The following CLSPN variants were observed in gnomAD, a reference collection of about 807,000 sequenced individuals.
The protein encoded by CLSPN is claspin homolog.
CLSPN carries 85 observed loss-of-function variants against 156.3 expected under a neutral mutation model. The ratio of observed to expected loss-of-function variants is 0.54; its 90% confidence interval spans 0.46 to 0.65. The LOEUF is 0.65. Among genes scored for constraint, CLSPN ranks in the 30% least tolerant of loss-of-function variants. The pLI is 0.00. For synonymous variants in CLSPN, 534 were observed against 542.4 expected (o/e 0.98, Z 0.22); for missense variants, 1,407 against 1,554.9 (o/e 0.90, Z 1.60).
At chr1:35,748,313 A>G in intron 13 of CLSPN, 92 bp downstream of exon 13, 7 of 1,225,766 alleles carry the variant, frequency 5.7e-6, no homozygotes, top group Non-Finnish European at 8.4e-6. Context: ...CTCAGTACCA[A>G]CGTGGTGGGA....
Position 35,761,368 on chromosome 1 carries a change from G to A in CLSPN, c.896-164C>T, listed in dbSNP as rs182234273. Among the ~76,000 whole-genome samples, 3 of 152,294 alleles carry A rather than the reference G, an allele frequency of 2.0e-5. No individual in the cohort carries two copies. The East Asian group carries it at 5.8e-4, about 29-fold the overall frequency. ...GTACAAAAAAGCTCCCTGAAGACCAGTGGCTTTTAAACCTAGATGTGAAAT... is the reference window on the plus strand; with the variant it reads ...GTACAAAAAAGCTCCCTGAAGACCAATGGCTTTTAAACCTAGATGTGAAAT... On this transcript the variant is annotated intron_variant, in intron 6 of 24. Transcript: ENST00000318121.
chr1:35,731,124 C>G (rs750714925), downstream of CLSPN, among the ~76,000 whole-genome samples: 1 of 147,388 alleles, frequency 6.8e-6, no homozygotes, highest in Non-Finnish European at 1.5e-5. Flanking sequence ...CGCCTGAACC[C>G]GGGAGGCAGA....
In CLSPN at chr1:35,753,668, T is replaced by C. The variant is rs1015866934; in HGVS notation, c.1771+77A>G. ...AAAAAGATTCTATAACTTTTCATTA[T>C]AAGGTTTTCAATAGCCTTGAAGATC... On this transcript the variant is annotated intron_variant, in intron 9 of 24. Coordinates refer to ENST00000318121, the MANE Select transcript of CLSPN (RefSeq NM_022111.4). 7 of 1,356,044 alleles carry C rather than the reference T, an allele frequency of 5.2e-6. No individual in the cohort carries two copies. In the African/African-American group the frequency reaches 7.3e-5, roughly 14 times the overall value. The allele number at this position is 1,356,044 out of a possible 1,614,324, so 84.0% of individuals were successfully genotyped here. A position where few individuals can be genotyped will look rare whatever the true frequency, so the allele number is the denominator to read the frequency against.
chr1:35,747,094 G>A (rs1025510687), intron 14 of CLSPN, 102 bp from the exon 15 acceptor site: 14 of 805,482 alleles, frequency 1.7e-5, no homozygotes, highest in African/African-American at 8.6e-5. Flanking sequence ...AGGCCGAGGC[G>A]GGCGGATCAC....
Position 35,733,502 on chromosome 1 carries a change from G to A in CLSPN, c.*2994C>T, listed in dbSNP as rs1043685019. On this transcript the variant is annotated 3_prime_UTR_variant, in exon 25 of 25. Coordinates refer to ENST00000318121, the MANE Select transcript of CLSPN (RefSeq NM_022111.4). The stretch of plus-strand genomic sequence containing the variant: ...TTGTCTTTTCTATCTCTCCTCAAAA[G>A]ACATGTAGGGAAACAAGAGGGAAGA... 1.0e-6 allele frequency: 1 copy of A among 985,068 alleles called. No individual in the cohort carries two copies. Among genetic ancestry groups the A allele is most frequent in the Admixed American group, 6.2e-5 (1 of 16,228 alleles). The allele number at this position is 985,068 out of a possible 1,614,324, so 61.0% of individuals were successfully genotyped here.
At chr1:35,744,464 T>C (rs560489437) in intron 16 of CLSPN, among the ~76,000 whole-genome samples, 2 of 152,086 alleles carry the variant, frequency 1.3e-5, no homozygotes, top group African/African-American at 4.8e-5. Context: ...TAGCTAATTT[T>C]AGTATTTTTT....
Position 35,769,892 on chromosome 1 carries a change from C to G in CLSPN, c.-22G>C, listed in dbSNP as rs1440572272. The G allele has an allele frequency of 8.7e-6, 14 of 1,609,062 alleles. No individual in the cohort carries two copies. Among genetic ancestry groups the G allele is most frequent in the African/African-American group, 2.7e-5 (2 of 74,744 alleles). On this transcript the variant is annotated 5_prime_UTR_variant, in exon 1 of 25. Transcript: ENST00000318121. ...TCATGACTTCTGCCTCCCCTGCGCT[C>G]CACTAGGGACGGAGCTGTCTCTGAT...
chr1:35,734,226 G>C lies in CLSPN; in HGVS notation c.*2270C>G. ...GTTAGACAGGCACTGACCCAAGAAT[G>C]AGCATTCAAGCTGGACAGCAAATCT... On this transcript the variant is annotated 3_prime_UTR_variant, in exon 25 of 25. Coordinates refer to ENST00000318121, the MANE Select transcript of CLSPN (RefSeq NM_022111.4). The C allele has an allele frequency of 2.0e-6, 2 of 985,418 alleles. No homozygotes were observed. The highest frequency in any genetic ancestry group is 2.4e-6 in the Non-Finnish European group (2 of 829,928). The allele number at this position is 985,418 out of a possible 1,614,324, so 61.0% of individuals were successfully genotyped here.
At position 35,745,546 on chromosome 1, in the gene CLSPN, G is replaced by A. The variant is rs1016650436; in HGVS notation, c.2871C>T (p.Ala957=). 3 of 1,612,638 alleles carry A rather than the reference G, an allele frequency of 1.9e-6. No homozygotes were observed. Among genetic ancestry groups the A allele is most frequent in the East Asian group, 2.2e-5 (1 of 44,872 alleles). Residue 957 remains alanine, a synonymous_variant, in exon 16 of 25, where the codon GCC becomes GCT. Coordinates refer to ENST00000318121, the MANE Select transcript of CLSPN (RefSeq NM_022111.4). ...KFTSQDASTP[A]SSELNKQEKE... ...TCTCCTGTTTATTTAACTCTGATGA[G>A]GCTGGAGTGGAGGCATCTACATCAC...
chr1:35,739,397 C>T lies in CLSPN; in HGVS notation c.3276G>A (p.Glu1092=), dbSNP rs1479979492. The T allele has an allele frequency of 2.5e-6, 4 of 1,614,096 alleles. No homozygotes were observed. Among genetic ancestry groups the T allele is most frequent in the African/African-American group, 2.7e-5 (2 of 75,036 alleles). ...DVIDEVLPSD[E]ELQSQIKKIH... ...TTTTCTTGATTTGACTCTGCAGTTC[C>T]TCATCAGAAGGAAGTACTTCATCAA... The change falls in exon 19 of 25, where the codon GAG becomes GAA. Residue 1092 remains glutamate (E), a synonymous_variant. Coordinates refer to ENST00000318121, the MANE Select transcript of CLSPN (RefSeq NM_022111.4).
chr1:35,759,920 G>A (rs1401091097), intron 8 of CLSPN, among the ~76,000 whole-genome samples: 1 of 141,704 alleles, frequency 7.1e-6, no homozygotes, highest in African/African-American at 2.7e-5. Flanking sequence ...TGCAACCTCT[G>A]CCTTCTGGGT....
rs1465741251 is a variant in CLSPN, at chr1:35,751,336, C to G, written c.1942G>C (p.Glu648Gln). ...MTDESEEDGE[E>Q]KVEKEEKEEE... is the part of the protein sequence containing the mutation. ...TCTTTCTCTTCTTTCTCTACCTTCT[C>G]TTCTCCATCTTCCTCAGACTCATCT... Residue 648 changes from glutamate (E) to glutamine (Q), a missense_variant, in exon 10 of 25, where the codon GAG becomes CAG. Around this residue, in one of 3 missense-constraint regions of CLSPN, gnomAD observed 1,096 missense variants for 1,193.0 expected, o/e 0.92. Coordinates refer to ENST00000318121, the MANE Select transcript of CLSPN (RefSeq NM_022111.4). 6.3e-7 allele frequency: 1 copy of G among 1,593,980 alleles called. No individual in the cohort carries two copies. Among genetic ancestry groups the G allele is most frequent in the Non-Finnish European group, 8.6e-7 (1 of 1,166,244 alleles).
intron 4 of CLSPN, among the ~76,000 whole-genome samples, chr1:35,762,735 TA>T (rs200200127): frequency 1.3e-5 from 2 of 151,318 alleles, no homozygotes; most frequent in South Asian, 2.1e-4. Context: ...CGCAGGAAGC[TA>T]AAAAAAAATC....
chr1:35,769,779 C>T, intron 1 of CLSPN, 68 bp downstream of exon 1: 1 of 1,490,006 alleles, frequency 6.7e-7, no homozygotes. Flanking sequence ...GGGGTCTACC[C>T]CGGCCCCACC....
intron 8 of CLSPN, among the ~76,000 whole-genome samples, chr1:35,755,171 C>G (rs1642229459): frequency 1.3e-5 from 2 of 151,958 alleles, no homozygotes; most frequent in Admixed American, 1.3e-4. Flanking sequence ...TTGGCTCTCA[C>G]TGTAGCCTCA....
intron 18 of CLSPN, among the ~76,000 whole-genome samples, chr1:35,740,711 G>A (rs920416351): frequency 1.3e-5 from 2 of 152,026 alleles, no homozygotes; most frequent in African/African-American, 4.8e-5. Flanking sequence ...GAGCCACCAC[G>A]CCCAGCCTAT....
In CLSPN at chr1:35,732,382, C is replaced by A; in HGVS notation, c.*4114G>T. 1 of 985,306 alleles carries A rather than the reference C, an allele frequency of 1.0e-6. No individual in the cohort carries two copies. The highest frequency in any genetic ancestry group is 1.2e-6 in the Non-Finnish European group (1 of 829,904). The allele number at this position is 985,306 out of a possible 1,614,324, so 61.0% of individuals were successfully genotyped here. ...CCCCTAAAAAGTCTCCCAGCCTGAG[C>A]ATTAGAAACTCTCAAAGTGAGGAGA... is the stretch of plus-strand genomic sequence containing the variant. On this transcript the variant is annotated 3_prime_UTR_variant, in exon 25 of 25. Transcript: ENST00000318121.
chr1:35,736,495 G>A lies in CLSPN; in HGVS notation c.*1C>T. The A allele has an allele frequency of 1.3e-6, 2 of 1,596,468 alleles. No individual in the cohort carries two copies. Among genetic ancestry groups the A allele is most frequent in the Middle Eastern group, 1.7e-4 (1 of 5,796 alleles). ...TGTAGATTTTGGCACCTTTGATGGT[G>A]TTAGCTCTCCAAATATTTGAAGATG... On this transcript the variant is annotated 3_prime_UTR_variant, in exon 25 of 25. Transcript: ENST00000318121.
intron 8 of CLSPN, among the ~76,000 whole-genome samples, chr1:35,754,327 T>C (rs1162949726): frequency 6.6e-6 from 1 of 152,156 alleles, no homozygotes; most frequent in Non-Finnish European, 1.5e-5. Context: ...CTTTTAAAAT[T>C]CCCTATTTGT....
Sources: gnomAD v4.1 joint callset for allele counts (sites outside exome capture counted in the v4.1 genomes callset) on GRCh38, gnomAD v4.1.1 for gene constraint, gnomAD v4.1.1 regional missense constraint, MANE v1.5 for transcripts, NCBI Gene and HGNC (gene_info 2026-07-23, HGNC 2026-07-21) for gene names.